The following OR56A3 variants were observed in gnomAD, a reference collection of about 807,000 sequenced individuals.
OR56A3 encodes olfactory receptor family 56 subfamily A member 3.
In OR56A3, 23 loss-of-function variants were observed where a neutral mutation model predicts 17.5. The observed-to-expected ratio is 1.32, with a 90% CI of 0.95 to 1.87. The LOEUF is 1.87. Among genes scored for constraint, OR56A3 ranks in the 40% most tolerant of loss-of-function variants. OR56A3 has a pLI of 0.00. For missense variants in OR56A3, 366 were observed against 380.1 expected (o/e 0.96, Z 0.31); for synonymous variants, 175 against 150.6 (o/e 1.16, Z -1.19).
the OR56A3 span, among the ~76,000 whole-genome samples, chr11:5,957,327 A>G: frequency 2.6e-5 from 4 of 152,216 alleles, no homozygotes; most frequent in African/African-American, 7.2e-5. Context: ...ACATCATTCC[A>G]TGTGTCATTC....
At chr11:5,956,492 A>G in the OR56A3 span, among the ~76,000 whole-genome samples, 1 of 152,172 alleles carries the variant, frequency 6.6e-6, no homozygotes, top group Admixed American at 6.5e-5. Flanking sequence ...TAGGGAGTGC[A>G]TTCTGTTATA....
chr11:5,964,661 T>G, the OR56A3 span, among the ~76,000 whole-genome samples: 3 of 152,234 alleles, frequency 2.0e-5, no homozygotes, highest in Non-Finnish European at 2.9e-5. Context: ...GCTACTATAG[T>G]CAGCCAGTGG....
At chr11:5,967,761 C>T in the OR56A3 span, 2 of 1,601,736 alleles carry the variant, frequency 1.2e-6, no homozygotes, top group African/African-American at 2.7e-5. Context: ...GAAGTGGGAA[C>T]CACAAGTACC....
chr11:5,984,193 A>G, the OR56A3 span, among the ~76,000 whole-genome samples: 1 of 152,226 alleles, frequency 6.6e-6, no homozygotes, highest in Non-Finnish European at 1.5e-5. Flanking sequence ...CCTGCATTAA[A>G]GACATTTTTA....
chr11:5,982,161 C>A, the OR56A3 span, among the ~76,000 whole-genome samples: 1 of 152,174 alleles, frequency 6.6e-6, no homozygotes, highest in Non-Finnish European at 1.5e-5. Flanking sequence ...GTCAGGGCAG[C>A]ACATGTGCTG....
the OR56A3 span, among the ~76,000 whole-genome samples, chr11:5,976,243 G>A: frequency 6.6e-6 from 1 of 150,776 alleles, no homozygotes; most frequent in African/African-American, 2.4e-5. Context: ...AGAAGAAAAA[G>A]GAAAAGAAAA....
At chr11:6,010,389 G>T in the OR56A3 span, among the ~76,000 whole-genome samples, 1 of 152,298 alleles carries the variant, frequency 6.6e-6, no homozygotes, top group East Asian at 1.9e-4. Flanking sequence ...TAATACAAAA[G>T]TATTAAGAGG....
At chr11:6,002,351 A>G in the OR56A3 span, 436,977 of 1,613,672 alleles carry the variant, frequency 0.27, 62,005 homozygotes, top group Middle Eastern at 0.3. Flanking sequence ...CAATAAGGAT[A>G]AGATCAGAGC....
At chr11:5,986,888 T>C in the OR56A3 span, 2 of 1,613,784 alleles carry the variant, frequency 1.2e-6, no homozygotes, top group Non-Finnish European at 1.7e-6. Flanking sequence ...AGGAGCATTA[T>C]CAATGGCTTG....
chr11:5,947,651 T>A lies in OR56A3; in HGVS notation c.305T>A (p.Phe102Tyr), dbSNP rs1847879511. The change falls in exon 3 of 3, where the codon TTC (phenylalanine) becomes TAC (tyrosine). Residue 102 changes from phenylalanine (F) to tyrosine (Y), a missense_variant. Phe to Tyr is a conservative substitution (Grantham distance 22). Transcript: ENST00000641160. ...DLRPISFPAC[F>Y]LQMYIMNCFL... ...AGGCCCATCAGCTTCCCTGCCTGCTTCCTCCAGATGTACATCATGAATTGT... is the reference window on the plus strand; with the variant it reads ...AGGCCCATCAGCTTCCCTGCCTGCTACCTCCAGATGTACATCATGAATTGT... 2 of 1,614,072 alleles carry A rather than the reference T, an allele frequency of 1.2e-6. No homozygotes were observed. Among genetic ancestry groups the A allele is most frequent in the African/African-American group, 2.7e-5 (2 of 74,940 alleles).
chr11:5,955,036 C>T (rs1407703272), downstream of OR56A3, among the ~76,000 whole-genome samples: 1 of 152,112 alleles, frequency 6.6e-6, no homozygotes, highest in Non-Finnish European at 1.5e-5. Flanking sequence ...GAATAAAGAA[C>T]AATCACTGGG....
At chr11:5,959,536 A>G in the OR56A3 span, among the ~76,000 whole-genome samples, 1 of 152,092 alleles carries the variant, frequency 6.6e-6, no homozygotes, top group Non-Finnish European at 1.5e-5. Flanking sequence ...AGAGTTCCTT[A>G]TATATTTTAA....
At position 5,947,995 on chromosome 11, in the gene OR56A3, C is replaced by T. The variant is rs1847883563; in HGVS notation, c.649C>T (p.Leu217Phe). The change falls in exon 3 of 3, where the codon CTT becomes TTT. Residue 217 changes from leucine (L) to phenylalanine (F), a missense_variant. By Grantham distance (22) the Leu-to-Phe change is conservative (BLOSUM62 0). Transcript: ENST00000641160. ...GWTLLGSDLI[L>F]IFLSYTFILR... ...GACTCTGCTAGGATCTGACCTCATCCTTATCTTCCTCTCCTACACCTTCAT... is the reference window on the plus strand; with the variant it reads ...GACTCTGCTAGGATCTGACCTCATCTTTATCTTCCTCTCCTACACCTTCAT... 1 of 1,614,202 alleles carries T rather than the reference C, an allele frequency of 6.2e-7. No individual in the cohort carries two copies. Among genetic ancestry groups the T allele is most frequent in the Non-Finnish European group, 8.5e-7 (1 of 1,180,036 alleles).
chr11:5,998,911 T>C, the OR56A3 span, among the ~76,000 whole-genome samples: 61 of 152,254 alleles, frequency 4.0e-4, no homozygotes, highest in African/African-American at 1.3e-3. Flanking sequence ...ACATACAAGA[T>C]GGGATTGTTG....
At chr11:5,942,464 G>T (rs1253378141) in intron 1 of OR56A3, 90 bp downstream of exon 1, 1 of 152,182 alleles carries the variant, frequency 6.6e-6, no homozygotes, top group African/African-American at 2.4e-5. Flanking sequence ...GTTGCAATTT[G>T]TCTATAGAAG....
chr11:5,986,529 C>T, the OR56A3 span: 2 of 1,613,880 alleles, frequency 1.2e-6, no homozygotes, highest in South Asian at 1.1e-5. Context: ...GAGCCATGGC[C>T]ACAAGTACCC....
chr11:5,968,381 G>A, the OR56A3 span: 24 of 1,613,648 alleles, frequency 1.5e-5, no homozygotes, highest in South Asian at 2.0e-4. Context: ...TGGCCAGGAG[G>A]AAGAGGAGGC....
At chr11:5,986,967 A>C in the OR56A3 span, 2 of 1,591,308 alleles carry the variant, frequency 1.3e-6, no homozygotes, top group South Asian at 1.1e-5. Context: ...ACATTGTCCA[A>C]ATGGGGCAAC....
At chr11:6,003,645 G>A in the OR56A3 span, among the ~76,000 whole-genome samples, 1 of 152,164 alleles carries the variant, frequency 6.6e-6, no homozygotes, top group Non-Finnish European at 1.5e-5. Context: ...AAAAACTCAG[G>A]GAGACATGGA....
Sources: gnomAD v4.1 joint callset for allele counts (sites outside exome capture counted in the v4.1 genomes callset) on GRCh38, gnomAD v4.1.1 for gene constraint, MANE v1.5 for transcripts, NCBI Gene and HGNC (gene_info 2026-07-23, HGNC 2026-07-21) for gene names.